Variants in STXBP5 observed in about 807,000 individuals in gnomAD.
STXBP5 encodes the protein syntaxin binding protein 5.
Under a neutral mutation model 152.4 loss-of-function variants are expected in STXBP5, and 50 were observed. The observed-to-expected ratio is 0.33, with a 90% CI of 0.26 to 0.42. STXBP5 has a LOEUF of 0.42. Among genes scored for constraint, STXBP5 ranks in the 10% least tolerant of loss-of-function variants. STXBP5 has a pLI of 1.00. For missense variants in STXBP5, 1,167 were observed against 1,388.6 expected, an observed-to-expected ratio of 0.84 and a Z score of 2.54; for synonymous variants, 492 against 494.7, an observed-to-expected ratio of 0.99 and a Z score of 0.07.
chr6:147,273,338 C>G (rs1780274803), intron 7 of STXBP5, among the ~76,000 whole-genome samples: 1 of 152,028 alleles, frequency 6.6e-6, no homozygotes, highest in African/African-American at 2.4e-5. Context: ...CATTCCAGCC[C>G]TGGTGACAGA....
intron 4 of STXBP5, among the ~76,000 whole-genome samples, chr6:147,251,234 C>T (rs776675645): frequency 7.2e-5 from 11 of 152,072 alleles, no homozygotes; most frequent in Admixed American, 2.6e-4. Flanking sequence ...TATGGTGCCA[C>T]GAGGGACGGT....
Position 147,204,806 on chromosome 6 carries a change from A to C in STXBP5, c.150+124A>C, listed in dbSNP as rs1776455547. On this transcript the variant is annotated intron_variant, in intron 1 of 27. Transcript: ENST00000321680. This position sits in a 1 kb window ranked among gnomAD's most constrained non-coding sequence, Gnocchi z 4.3. ...CGCCAATAATAATAATAATAACTCTAATAAAAGGCTCGCTCCTCCCTTGGC... is the reference window on the plus strand; with the variant it reads ...CGCCAATAATAATAATAATAACTCTCATAAAAGGCTCGCTCCTCCCTTGGC... 1 of 1,109,790 alleles carries C rather than the reference A, an allele frequency of 9.0e-7. No individual in the cohort carries two copies. Among genetic ancestry groups the C allele is most frequent in the African/African-American group, 1.6e-5 (1 of 60,962 alleles). 68.7% of individuals were successfully genotyped at this position (1,109,790 alleles called of 1,614,324 possible). A position where few individuals can be genotyped will look rare whatever the true frequency, so the allele number is the denominator to read the frequency against.
intron 7 of STXBP5, among the ~76,000 whole-genome samples, chr6:147,276,248 A>T (rs548775086): frequency 6.6e-6 from 1 of 152,222 alleles, no homozygotes. Flanking sequence ...GGATTTGCAT[A>T]TAGAAAATTG....
At position 147,372,406 on chromosome 6, in the gene STXBP5, C is replaced by CTTTTTTTTTTTTTTTTTTTT. The variant is rs1583009383; in HGVS notation, c.3082-1325_3082-1324insTTTTTTTTTTTTTTTTTTTT. On this transcript the variant is annotated intron_variant, in intron 25 of 27. Coordinates refer to ENST00000321680, the MANE Select transcript of STXBP5 (RefSeq NM_001127715.4). ...ATATAAATGTTACTACCGTCCTTTT[C>CTTTTTTTTTTTTTTTTTTTT]CTTTTTTTTTTTTTTTTTTTTTTTT... Among the ~76,000 whole-genome samples, 220 of 39,106 alleles carry CTTTTTTTTTTTTTTTTTTTT rather than the reference C, an allele frequency of 5.6e-3. 108 individuals carry two copies. The highest frequency in any genetic ancestry group is 7.5e-3 in the Admixed American group (21 of 2,800). 25.7% of individuals were successfully genotyped at this position (39,106 alleles called of 152,430 possible).
chr6:147,384,740 G>A lies in STXBP5; in HGVS notation c.3441G>A (p.Lys1147=). 2 of 1,611,732 alleles carry A rather than the reference G, an allele frequency of 1.2e-6. No homozygotes were observed. The highest frequency in any genetic ancestry group is 1.7e-6 in the Non-Finnish European group (2 of 1,178,880). ...HEIMLKYKDK[K]WYQF Reference sequence around the variant, plus strand: ...TTATGTTGAAATACAAAGATAAGAAGTGGTACCAGTTCTGACAACCAGAAT... The same window carrying A: ...TTATGTTGAAATACAAAGATAAGAAATGGTACCAGTTCTGACAACCAGAAT... The change falls in exon 28 of 28, where the codon AAG becomes AAA. Residue 1147 remains lysine, a synonymous_variant. Transcript: ENST00000321680.
intron 9 of STXBP5, among the ~76,000 whole-genome samples, chr6:147,305,401 G>A (rs1434340348): frequency 1.3e-5 from 2 of 152,056 alleles, no homozygotes; most frequent in Non-Finnish European, 2.9e-5. Context: ...CTATTAAAGA[G>A]ATTTTTGAAA....
chr6:147,219,799 G>GTT (rs35444906), intron 2 of STXBP5, among the ~76,000 whole-genome samples: 6,592 of 86,126 alleles, frequency 0.077, 480 homozygotes, highest in African/African-American at 0.14. Context: ...CTAGAAGCTT[G>GTT]TTTTTTTTTT....
intron 25 of STXBP5, among the ~76,000 whole-genome samples, chr6:147,369,846 T>C (rs1785461463): frequency 6.6e-6 from 1 of 152,036 alleles, no homozygotes; most frequent in African/African-American, 2.4e-5. Context: ...TGTAAAAAAC[T>C]ATAACCACTT....
intron 9 of STXBP5, among the ~76,000 whole-genome samples, chr6:147,295,590 G>C (rs751805097): frequency 1.3e-5 from 2 of 152,144 alleles, no homozygotes; most frequent in African/African-American, 2.4e-5. Flanking sequence ...CGGCATAGAG[G>C]GGGAGCAAAA....
At chr6:147,266,369 G>A (rs1779893322) in intron 6 of STXBP5, among the ~76,000 whole-genome samples, 1 of 152,108 alleles carries the variant, frequency 6.6e-6, no homozygotes, top group African/African-American at 2.4e-5. Context: ...GAGCAAGACT[G>A]GAGTCAAGGA....
intron 11 of STXBP5, 28 bp downstream of exon 11, chr6:147,311,555 CT>C: frequency 6.4e-7 from 1 of 1,551,918 alleles, no homozygotes; most frequent in South Asian, 1.1e-5. Flanking sequence ...GTGAGTGATT[CT>C]ATCAGTATGT....
intron 2 of STXBP5, among the ~76,000 whole-genome samples, chr6:147,221,643 CCT>C (rs1304161438): frequency 2.6e-5 from 4 of 151,442 alleles, no homozygotes; most frequent in Non-Finnish European, 4.4e-5. Context: ...TATCTTTGCA[CCT>C]CTGTTGGTAA....
intron 12 of STXBP5, 75 bp from the exon 13 acceptor site, chr6:147,314,188 CA>C: frequency 7.5e-7 from 1 of 1,326,628 alleles, no homozygotes; most frequent in African/African-American, 1.7e-5. Context: ...TATTTACACA[CA>C]CACACACACA....
chr6:147,260,338 G>T (rs1779583721), intron 4 of STXBP5, among the ~76,000 whole-genome samples: 1 of 152,082 alleles, frequency 6.6e-6, no homozygotes, highest in South Asian at 2.1e-4. Context: ...TATGCCCAAG[G>T]TTACGCAGTT....
intron 8 of STXBP5, among the ~76,000 whole-genome samples, chr6:147,284,039 T>C (rs1010341304): frequency 6.6e-6 from 1 of 152,240 alleles, no homozygotes; most frequent in Non-Finnish European, 1.5e-5. Flanking sequence ...TAATAACATA[T>C]TCTTTAATCC....
chr6:147,330,375 T>C (rs996049637), intron 18 of STXBP5, among the ~76,000 whole-genome samples: 1 of 152,118 alleles, frequency 6.6e-6, no homozygotes, highest in African/African-American at 2.4e-5. Context: ...AATCGTTTTT[T>C]CTCTGGAAAG....
chr6:147,216,564 C>T lies in STXBP5; in HGVS notation c.248+10496C>T, dbSNP rs573659411. Among the ~76,000 whole-genome samples, 7 of 152,152 alleles carry T rather than the reference C, an allele frequency of 4.6e-5. No individual in the cohort carries two copies. The South Asian group carries it at 1.5e-3, about 32-fold the overall frequency. Reference sequence around the variant, plus strand: ...ACTTTTTGAAAATATTTTATAGTTGCCCACTGACCACTCTTTGCATTATCC... The same window carrying T: ...ACTTTTTGAAAATATTTTATAGTTGTCCACTGACCACTCTTTGCATTATCC... On this transcript the variant is annotated intron_variant, in intron 2 of 27. Transcript: ENST00000321680.
At chr6:147,348,292 G>A (rs1464987148) in intron 21 of STXBP5, among the ~76,000 whole-genome samples, 1 of 151,958 alleles carries the variant, frequency 6.6e-6, no homozygotes, top group African/African-American at 2.4e-5. Flanking sequence ...TCATGCAAGG[G>A]AAAGAAACCC....
chr6:147,331,907 C>A (rs1397108067), intron 18 of STXBP5, among the ~76,000 whole-genome samples: 1 of 150,940 alleles, frequency 6.6e-6, no homozygotes, highest in Non-Finnish European at 1.5e-5. Context: ...AAAATGCCTA[C>A]AACACTCAGT....
Sources: allele counts gnomAD v4.1 joint callset (sites outside exome capture counted in the v4.1 genomes callset), GRCh38; gene constraint gnomAD v4.1.1; non-coding constraint Gnocchi (gnomAD v3.1); transcripts MANE v1.5; gene names NCBI Gene and HGNC (gene_info 2026-07-23, HGNC 2026-07-21).